The following MYOF variants were observed in gnomAD, a reference collection of about 807,000 sequenced individuals.
The protein encoded by MYOF is myoferlin.
MYOF carries 244 observed loss-of-function variants against 284.2 expected under a neutral mutation model. That is an observed-to-expected ratio of 0.86 (90% CI 0.77 to 0.95). MYOF has a LOEUF of 0.95. Among genes scored for constraint, MYOF ranks in the 40% least tolerant of loss-of-function variants. The probability of loss-of-function intolerance (pLI) is 0.00; values close to 1 mark genes in which losing one functional copy is unlikely to be tolerated. For synonymous variants in MYOF, 904 were observed against 919.7 expected, an observed-to-expected ratio of 0.98 and a Z score of 0.31; for missense variants, 2,496 against 2,560.6, an observed-to-expected ratio of 0.97 and a Z score of 0.54.
chr10:93,339,233 G>A (rs1449402298), intron 39 of MYOF, among the ~76,000 whole-genome samples: 1 of 152,024 alleles, frequency 6.6e-6, no homozygotes, highest in Non-Finnish European at 1.5e-5. Context: ...GGCTGGTCTC[G>A]AACTCCTGAC....
chr10:93,426,421 T>A (rs1447889592), intron 4 of MYOF, among the ~76,000 whole-genome samples: 1 of 151,924 alleles, frequency 6.6e-6, no homozygotes, highest in Non-Finnish European at 1.5e-5. Context: ...ATCAACAGAG[T>A]AAAGTTGTGA....
Position 93,431,514 on chromosome 10 carries a change from A to T in MYOF, c.239T>A (p.Leu80Ter). 6.2e-7 allele frequency: 1 copy of T among 1,613,338 alleles called. No individual in the cohort carries two copies. The highest frequency in any genetic ancestry group is 2.2e-5 in the East Asian group (1 of 44,834). ...CAGGGCTACAGTCGCCGTGCCAATTAATCTGCAGGGAAAACAGGAAAGCAC... is the reference window on the plus strand; with the variant it reads ...CAGGGCTACAGTCGCCGTGCCAATTTATCTGCAGGGAAAACAGGAAAGCAC... ...KDFETIGQNK[L>*]IGTATVALKD... Residue 80 changes from leucine to a stop codon, truncating the protein, a stop_gained and splice_region_variant, in exon 4 of 54, where the codon TTA becomes TAA. Coordinates refer to ENST00000359263, the MANE Select transcript of MYOF (RefSeq NM_013451.4). LOFTEE classifies it high-confidence loss of function.
intron 1 of MYOF, among the ~76,000 whole-genome samples, chr10:93,470,866 G>A (rs1277149772): frequency 6.6e-6 from 1 of 152,192 alleles, no homozygotes; most frequent in Admixed American, 6.5e-5. Flanking sequence ...TTGTTGAATG[G>A]ATTCATGCTT....
chr10:93,416,851 GTC>G (rs957126823), intron 5 of MYOF, among the ~76,000 whole-genome samples: 11 of 152,248 alleles, frequency 7.2e-5, no homozygotes, highest in Middle Eastern at 3.4e-3. Context: ...ACCCACCTCA[GTC>G]TCTCAAAGTG....
rs1286408092 is a variant in MYOF at position 93,351,838 on chromosome 10, C to T, written c.3490G>A (p.Ala1164Thr). The T allele has an allele frequency of 3.2e-6, 5 of 1,583,270 alleles. No individual in the cohort carries two copies. In the Admixed American group the frequency reaches 8.3e-5, roughly 26 times the overall value. ...LDKDSFSDPYAHICFLHRSKT... is the reference protein window; with the variant it reads ...LDKDSFSDPYTHICFLHRSKT... ...CTCCGATGGAGGAAACAGATATGAG[C>T]ATATGGATCTAAAACAGAAAAAGAG... Residue 1164 changes from alanine (A) to threonine (T), a missense_variant, in exon 33 of 54, where the codon GCT becomes ACT. Ala to Thr is a moderately conservative substitution (Grantham distance 58, BLOSUM62 0). This residue lies in a region of MYOF where 2,436 missense variants were observed against 2,480.7 expected (regional missense o/e 0.98). Transcript: ENST00000359263.
intron 10 of MYOF, 108 bp from the exon 11 acceptor site, chr10:93,402,455 G>C: frequency 1.2e-6 from 1 of 854,532 alleles, no homozygotes; most frequent in Non-Finnish European, 1.9e-6. Context: ...GCCTCTTCAC[G>C]ACACACCAAA....
At position 93,377,441 on chromosome 10, in the gene MYOF, GAA is replaced by G; in HGVS notation, c.2002-14_2002-13del. The stretch of plus-strand genomic sequence containing the variant: ...TCTATATTTGTTTGCTGAAGAATTT[GAA>G]AAGAGAGGAAATAATTGATAATTGT... On this transcript the variant is annotated splice_polypyrimidine_tract_variant and intron_variant, in intron 21 of 53. Coordinates refer to ENST00000359263, the MANE Select transcript of MYOF (RefSeq NM_013451.4). 4 of 1,552,324 alleles carry G rather than the reference GAA, an allele frequency of 2.6e-6. No individual in the cohort carries two copies. The East Asian group carries it at 6.7e-5, about 26-fold the overall frequency.
chr10:93,339,846 G>A (rs1478820207), intron 39 of MYOF, among the ~76,000 whole-genome samples: 1 of 152,086 alleles, frequency 6.6e-6, no homozygotes, highest in East Asian at 2.0e-4. Flanking sequence ...TTGGGAGGCT[G>A]AGGCGGGTGG....
Position 93,370,314 on chromosome 10 carries a change from A to ATTTTTTTTTTTTTTTTTTTT in MYOF, c.2458-558_2458-539dup, listed in dbSNP as rs916555324. Among the ~76,000 whole-genome samples, 34 of 122,418 alleles carry ATTTTTTTTTTTTTTTTTTTT rather than the reference A, an allele frequency of 2.8e-4. 3 individuals carry two copies. The highest frequency in any genetic ancestry group is 1.1e-3 in the African/African-American group (32 of 28,270). The allele number at this position is 122,418 out of a possible 152,430, so 80.3% of individuals were successfully genotyped here. A position where few individuals can be genotyped will look rare whatever the true frequency, so the allele number is the denominator to read the frequency against. On this transcript the variant is annotated intron_variant, in intron 24 of 53. Transcript: ENST00000359263. ...GTTGATCAAGCAGTAATGATTACTA[A>ATTTTTTTTTTTTTTTTTTTT]TTTTTTTTTTTTTTTTTTTTTGAGA...
rs757462174 is a variant in MYOF, at chr10:93,389,158, A to C, written c.1457-4T>G. 6.2e-7 allele frequency: 1 copy of C among 1,612,112 alleles called. No individual in the cohort carries two copies. Among genetic ancestry groups the C allele is most frequent in the Non-Finnish European group, 8.5e-7 (1 of 1,179,436 alleles). On this transcript the variant is annotated splice_region_variant and splice_polypyrimidine_tract_variant and intron_variant, in intron 17 of 53. Transcript: ENST00000359263. ...ACCTCTGTTTCTCCTGTGTTTACTG[A>C]GAGAGAAACATCATCATGAGGTGTT...
chr10:93,335,793 T>C, intron 41 of MYOF, 128 bp downstream of exon 41: 2 of 1,181,618 alleles, frequency 1.7e-6, no homozygotes, highest in Admixed American at 2.4e-5. Flanking sequence ...TAGGCCTATA[T>C]AGAAAATGCC....
At chr10:93,339,797 A>G (rs1843804870) in intron 39 of MYOF, among the ~76,000 whole-genome samples, 1 of 150,230 alleles carries the variant, frequency 6.7e-6, no homozygotes, top group African/African-American at 2.4e-5. Flanking sequence ...AATTATTCCC[A>G]GGCTGGGCGC....
At chr10:93,472,596 G>A (rs1286608372) in intron 1 of MYOF, among the ~76,000 whole-genome samples, 4 of 152,044 alleles carry the variant, frequency 2.6e-5, no homozygotes, top group African/African-American at 4.8e-5. Flanking sequence ...CCAAGATGGC[G>A]CCATTGCACT....
intron 26 of MYOF, among the ~76,000 whole-genome samples, chr10:93,365,411 A>ATT (rs138481317): frequency 1.7e-3 from 256 of 152,132 alleles, no homozygotes; most frequent in African/African-American, 5.9e-3. Flanking sequence ...TCTACTGTTT[A>ATT]TTTTTTTCTT....
At position 93,351,800 on chromosome 10, in the gene MYOF, C is replaced by G; in HGVS notation, c.3528G>C (p.Glu1176Asp). The change falls in exon 33 of 54, where the codon GAG (glutamate) becomes GAC (aspartate). Residue 1176 changes from glutamate (E) to aspartate (D), a missense_variant. Physicochemically the swap from Glu to Asp is conservative, Grantham distance 45. Around this residue, in one of 3 missense-constraint regions of MYOF, gnomAD observed 2,436 missense variants for 2,480.7 expected, o/e 0.98. Coordinates refer to ENST00000359263, the MANE Select transcript of MYOF (RefSeq NM_013451.4). ...TGGGATTCAGGGTTGAATGGATGATCTCAGTGGTTTTGCTCCGATGGAGGA... is the reference window on the plus strand; with the variant it reads ...TGGGATTCAGGGTTGAATGGATGATGTCAGTGGTTTTGCTCCGATGGAGGA... ...ICFLHRSKTT[E>D]IIHSTLNPTW... is the part of the protein sequence containing the mutation. 6.3e-7 allele frequency: 1 copy of G among 1,590,742 alleles called. No individual in the cohort carries two copies. Among genetic ancestry groups the G allele is most frequent in the Middle Eastern group, 1.7e-4 (1 of 5,994 alleles).
chr10:93,370,314 A>ATTTTTTT lies in MYOF; in HGVS notation c.2458-545_2458-539dup, dbSNP rs916555324. ...GTTGATCAAGCAGTAATGATTACTA[A>ATTTTTTT]TTTTTTTTTTTTTTTTTTTTTGAGA... On this transcript the variant is annotated intron_variant, in intron 24 of 53. Coordinates refer to ENST00000359263, the MANE Select transcript of MYOF (RefSeq NM_013451.4). Among the ~76,000 whole-genome samples, 32 of 122,420 alleles carry ATTTTTTT rather than the reference A, an allele frequency of 2.6e-4. 2 individuals carry two copies. Among genetic ancestry groups the ATTTTTTT allele is most frequent in the African/African-American group, 6.7e-4 (19 of 28,270 alleles). 80.3% of individuals were successfully genotyped at this position (122,420 alleles called of 152,430 possible).
At chr10:93,459,084 T>C (rs1044907179) in intron 1 of MYOF, among the ~76,000 whole-genome samples, 1 of 152,230 alleles carries the variant, frequency 6.6e-6, no homozygotes, top group African/African-American at 2.4e-5. Flanking sequence ...CGTCGGCTTG[T>C]GCCCAGACCT....
chr10:93,442,377 G>A (rs912007295), intron 3 of MYOF, among the ~76,000 whole-genome samples: 4 of 152,026 alleles, frequency 2.6e-5, no homozygotes, highest in Admixed American at 6.6e-5. Context: ...ACTATTTATT[G>A]AGGAAGTATC....
At chr10:93,358,387 G>A (rs1035745010) in intron 29 of MYOF, among the ~76,000 whole-genome samples, 2 of 152,202 alleles carry the variant, frequency 1.3e-5, no homozygotes. Flanking sequence ...GGAAGACAGT[G>A]TGGCGATTCT....
Sources: allele counts gnomAD v4.1 joint callset (sites outside exome capture counted in the v4.1 genomes callset), GRCh38; gene constraint gnomAD v4.1.1; regional missense constraint gnomAD v4.1.1; transcripts MANE v1.5; gene names NCBI Gene and HGNC (gene_info 2026-07-23, HGNC 2026-07-21).